The following DHX30 variants were observed in gnomAD, a reference collection of about 807,000 sequenced individuals.
DHX30 encodes the protein DExH-box helicase 30, also known as ATP-dependent RNA helicase DHX30.
A neutral mutation model predicts 116.9 loss-of-function variants in DHX30; 4 were observed. The observed-to-expected ratio is 0.03, with a 90% CI of 0.02 to 0.08. The LOEUF (loss-of-function observed/expected upper bound fraction) is 0.08. Ranked by LOEUF, DHX30 falls within the 10% of genes least tolerant of loss-of-function variation. DHX30 has a pLI of 1.00. For synonymous variants in DHX30, 697 were observed against 651.7 expected (o/e 1.07, Z -1.06); for missense variants, 871 against 1,595.1 (o/e 0.55, Z 7.73).
rs371029757 is a variant in DHX30 at position 47,841,192 on chromosome 3, A to G, written c.668+14A>G. The G allele has an allele frequency of 6.2e-7, 1 of 1,611,946 alleles. No individual in the cohort carries two copies. The highest frequency in any genetic ancestry group is 8.5e-7 in the Non-Finnish European group (1 of 1,179,742). On this transcript the variant is annotated intron_variant, in intron 7 of 21. Coordinates refer to ENST00000445061, the MANE Select transcript of DHX30 (RefSeq NM_138615.3). ...CAGGGACTCAAGGTACAGATGGAGG[A>G]TGGGGATGCAGCAGAGGCTGGCTGT...
intron 1 of DHX30, among the ~76,000 whole-genome samples, chr3:47,804,227 C>T (rs943906640): frequency 6.6e-6 from 1 of 152,154 alleles, no homozygotes; most frequent in Non-Finnish European, 1.5e-5. Flanking sequence ...GATAGTTGCT[C>T]TTCAAGTGTT....
At position 47,828,094 on chromosome 3, in the gene DHX30, A is replaced by T. The variant is rs1478597426; in HGVS notation, c.255+617A>T. On this transcript the variant is annotated intron_variant, in intron 5 of 21. Transcript: ENST00000445061. ...AGGGTAGTCTCAAACCCCTTGGTTCAAGGGATCCTCCCTCCTCAGCCTCCC... is the reference window on the plus strand; with the variant it reads ...AGGGTAGTCTCAAACCCCTTGGTTCTAGGGATCCTCCCTCCTCAGCCTCCC... 2.0e-5 allele frequency among the ~76,000 whole-genome samples: 3 copies of T among 151,814 alleles called. No homozygotes were observed. The East Asian group carries it at 5.8e-4, about 30-fold the overall frequency.
In DHX30 at chr3:47,848,967, T is replaced by C; in HGVS notation, c.2817T>C (p.Phe939=). The C allele has an allele frequency of 1.2e-6, 2 of 1,613,306 alleles. No individual in the cohort carries two copies. The highest frequency in any genetic ancestry group is 1.7e-6 in the Non-Finnish European group (2 of 1,179,638). The change falls in exon 18 of 22, where the codon TTT becomes TTC. Residue 939 remains phenylalanine, a synonymous_variant. Transcript: ENST00000445061. This position sits in a 1 kb window ranked among gnomAD's most constrained non-coding sequence, Gnocchi z 9.4. ...ACAGCGGCAGTGACCACCTGGCCTTTGTGCGGGCTGTCGCCGGCTGGGAGG... is the reference window on the plus strand; with the variant it reads ...ACAGCGGCAGTGACCACCTGGCCTTCGTGCGGGCTGTCGCCGGCTGGGAGG... ...SHDSGSDHLA[F]VRAVAGWEEV... is the part of the protein sequence containing the mutation.
chr3:47,846,051 C>G (rs2037590943), intron 10 of DHX30, 114 bp from the exon 11 acceptor site: 1 of 1,408,252 alleles, frequency 7.1e-7, no homozygotes, highest in South Asian at 1.3e-5. Flanking sequence ...AATTAATCCT[C>G]TGCCCAGCGG....
At position 47,849,096 on chromosome 3, in the gene DHX30, CCTG is replaced by C; in HGVS notation, c.2929+20_2929+22del. ...TCATCCACGGTCAGTCGGGCCCACA[CCTG>C]CTCTCCTGAGCCCCTCCCACCCCCA... On this transcript the variant is annotated intron_variant, in intron 18 of 21. Transcript: ENST00000445061. 1.9e-6 allele frequency: 3 copies of C among 1,610,496 alleles called. No homozygotes were observed. In the East Asian group the frequency reaches 6.7e-5, roughly 36 times the overall value.
intron 2 of DHX30, among the ~76,000 whole-genome samples, chr3:47,809,765 G>A (rs1397967148): frequency 1.3e-5 from 2 of 152,228 alleles, no homozygotes; most frequent in South Asian, 4.1e-4. Context: ...GTCAGGAGCC[G>A]GAGTGTTGGC....
Position 47,846,547 on chromosome 3 carries a change from G to A in DHX30, c.1475G>A (p.Arg492His). Residue 492 changes from arginine to histidine, a missense_variant, in exon 11 of 22, where the codon CGC becomes CAC. By Grantham distance (29) the Arg-to-His change is conservative. Around this residue, in one of 13 missense-constraint regions of DHX30, gnomAD observed 63 missense variants for 180.6 expected, o/e 0.35. Transcript: ENST00000445061. ...ARCNVIITQPRRISAVSVAQR... is the reference protein window; with the variant it reads ...ARCNVIITQPHRISAVSVAQR... ...TGCAATGTTATCATCACCCAACCTCGCCGCATCTCTGCTGTGTCTGTGGCA... is the reference window on the plus strand; with the variant it reads ...TGCAATGTTATCATCACCCAACCTCACCGCATCTCTGCTGTGTCTGTGGCA... 6.2e-7 allele frequency: 1 copy of A among 1,614,092 alleles called. No homozygotes were observed. Among genetic ancestry groups the A allele is most frequent in the Non-Finnish European group, 8.5e-7 (1 of 1,180,032 alleles).
chr3:47,831,948 T>TTTA (rs1553702866), intron 6 of DHX30, among the ~76,000 whole-genome samples: 3 of 150,434 alleles, frequency 2.0e-5, no homozygotes, highest in Non-Finnish European at 4.4e-5. Context: ...TTTTTTTTTT[T>TTTA]ATTCCTCTCT....
At chr3:47,825,130 C>A in intron 4 of DHX30, 2 of 674,296 alleles carry the variant, frequency 3.0e-6, no homozygotes, top group Non-Finnish European at 5.4e-6. Context: ...GCGACAGGGT[C>A]GCTCGCGCGG....
In DHX30 at chr3:47,827,716, C is replaced by T. The variant is rs114710178; in HGVS notation, c.255+239C>T. The stretch of plus-strand genomic sequence containing the variant: ...ATCTTATCTAAGACAGGCGCCTATA[C>T]GGATCCTTGGTTTTTGCCCCCATCG... On this transcript the variant is annotated intron_variant, in intron 5 of 21. Transcript: ENST00000445061. Among the ~76,000 whole-genome samples the T allele has an allele frequency of 3.9e-3, 597 of 152,238 alleles. 5 individuals are homozygous for T. Among genetic ancestry groups the T allele is most frequent in the African/African-American group, 0.013 (539 of 41,518 alleles).
chr3:47,829,314 ATTTTT>A (rs10683438), intron 6 of DHX30, among the ~76,000 whole-genome samples, 180 bp downstream of exon 6: 2 of 34,192 alleles, frequency 5.8e-5, no homozygotes, highest in Non-Finnish European at 1.0e-4. Flanking sequence ...ATATATATAT[ATTTTT>A]TTTTTTTTTT....
intron 4 of DHX30, chr3:47,825,345 G>A (rs1315015616): frequency 2.4e-5 from 13 of 538,754 alleles, no homozygotes; most frequent in Admixed American, 4.0e-5. Context: ...GCGGCCGGGG[G>A]TCCTCTCTTC....
chr3:47,840,942 T>C lies in DHX30; in HGVS notation c.432T>C (p.Asp144=), dbSNP rs964832608. Reference sequence around the variant, plus strand: ...CAGCCAAATACCGAGTGCTAGCTGATCGCTTTGGCTCCCCTGCCGACAGCT... The same window carrying C: ...CAGCCAAATACCGAGTGCTAGCTGACCGCTTTGGCTCCCCTGCCGACAGCT... ...FDAAKYRVLA[D]RFGSPADSWW... The change falls in exon 7 of 22, where the codon GAT becomes GAC. Residue 144 remains aspartate, a synonymous_variant. Transcript: ENST00000445061. 1.2e-6 allele frequency: 2 copies of C among 1,614,226 alleles called. No homozygotes were observed. Among genetic ancestry groups the C allele is most frequent in the Admixed American group, 3.3e-5 (2 of 60,018 alleles).
At chr3:47,810,609 C>A in intron 2 of DHX30, 48 bp from the exon 3 acceptor site, 2 of 1,493,638 alleles carry the variant, frequency 1.3e-6, no homozygotes, top group Non-Finnish European at 1.9e-6. Flanking sequence ...TTGTGGGTTG[C>A]TGGACCAGGA....
Position 47,848,689 on chromosome 3 carries a change from C to T in DHX30, c.2641C>T (p.Pro881Ser). The T allele has an allele frequency of 6.2e-7, 1 of 1,614,168 alleles. No individual in the cohort carries two copies. The highest frequency in any genetic ancestry group is 8.5e-7 in the Non-Finnish European group (1 of 1,180,014). The change falls in exon 17 of 22, where the codon CCC becomes TCC. Residue 881 changes from proline (P) to serine (S), a missense_variant. Around this residue, in one of 13 missense-constraint regions of DHX30, gnomAD observed 238 missense variants for 481.0 expected, o/e 0.49. Transcript: ENST00000445061. This position sits in a 1 kb window ranked among gnomAD's most constrained non-coding sequence, Gnocchi z 9.4. ...GQRLAHISTD[P>S]RLAKAIVLAA... ...GCGCCTGGCTCACATCTCCACCGAC[C>T]CCCGGTTGGCCAAGGCCATTGTGTT...
chr3:47,814,125 A>G (rs1472023514), intron 3 of DHX30, among the ~76,000 whole-genome samples: 5 of 151,850 alleles, frequency 3.3e-5, no homozygotes, highest in East Asian at 1.9e-4. Flanking sequence ...GGAAAGCCCA[A>G]TAAAAATCAC....
At position 47,850,102 on chromosome 3, in the gene DHX30, C is replaced by T. The variant is rs1159916211; in HGVS notation, c.3567C>T (p.Arg1189=). The part of the protein sequence containing the change: ...LRGPCGSFDV[R]KTADD ...GACCCTGTGGCAGCTTTGATGTGCG[C>T]AAGACAGCTGACGACTGAGCCCTGC... is the stretch of plus-strand genomic sequence containing the variant. Residue 1189 remains arginine (R), a synonymous_variant, in exon 22 of 22, where the codon CGC becomes CGT. Transcript: ENST00000445061. 1 of 1,593,258 alleles carries T rather than the reference C, an allele frequency of 6.3e-7. No homozygotes were observed. Among genetic ancestry groups the T allele is most frequent in the South Asian group, 1.1e-5 (1 of 89,142 alleles).
In DHX30 at chr3:47,846,209, G is replaced by A. The variant is rs1395184186; in HGVS notation, c.1137G>A (p.Gln379=). Residue 379 remains glutamine (Q), a synonymous_variant, in exon 11 of 22, where the codon CAG becomes CAA. Coordinates refer to ENST00000445061, the MANE Select transcript of DHX30 (RefSeq NM_138615.3). ...SSWIAPELRL[Q]SDDILPLGKD... ...GGATCGCCCCAGAACTCCGGCTGCA[G>A]AGTGATGACATCTTGCCCTTGGGCA... 6.2e-7 allele frequency: 1 copy of A among 1,613,936 alleles called. No individual in the cohort carries two copies. Among genetic ancestry groups the A allele is most frequent in the Non-Finnish European group, 8.5e-7 (1 of 1,180,044 alleles).
intron 6 of DHX30, among the ~76,000 whole-genome samples, chr3:47,834,278 A>G (rs968836750): frequency 1.3e-5 from 2 of 151,276 alleles, no homozygotes; most frequent in Admixed American, 1.3e-4. Context: ...TAATTTTTGT[A>G]TTTTTTGTAG....
Sources: gnomAD v4.1 joint callset for allele counts (sites outside exome capture counted in the v4.1 genomes callset) on GRCh38, gnomAD v4.1.1 for gene constraint, gnomAD v4.1.1 regional missense constraint, Gnocchi (gnomAD v3.1) non-coding constraint, MANE v1.5 for transcripts, NCBI Gene and HGNC (gene_info 2026-07-23, HGNC 2026-07-21) for gene names.